The following FBXO31 variants were observed in gnomAD, a reference collection of about 807,000 sequenced individuals.
FBXO31 encodes F-box only protein 31.
A neutral mutation model predicts 54.4 loss-of-function variants in FBXO31; 24 were observed. That is an observed-to-expected ratio of 0.44 (90% CI 0.32 to 0.62). The LOEUF (loss-of-function observed/expected upper bound fraction) is 0.62, where lower values mean the gene tolerates loss of function less well. Among genes scored for constraint, FBXO31 ranks in the 20% least tolerant of loss-of-function variants. FBXO31 has a pLI of 0.05. For synonymous variants in FBXO31, 388 were observed against 335.6 expected (o/e 1.16, Z -1.71); for missense variants, 665 against 787.1 (o/e 0.84, Z 1.86).
intron 1 of FBXO31, among the ~76,000 whole-genome samples, chr16:87,380,296 C>CAAA (rs71156230): frequency 1.6e-4 from 16 of 97,706 alleles, no homozygotes; most frequent in African/African-American, 2.8e-4. Flanking sequence ...GACTCCGTCT[C>CAAA]AAAAAAAAAA....
chr16:87,354,482 C>A (rs903789593), intron 2 of FBXO31, among the ~76,000 whole-genome samples: 1 of 151,096 alleles, frequency 6.6e-6, no homozygotes, highest in Non-Finnish European at 1.5e-5. Flanking sequence ...AAAAAAAAAC[C>A]CAAAAATGCA....
At chr16:87,352,748 C>T (rs929891683) in intron 2 of FBXO31, among the ~76,000 whole-genome samples, 2 of 152,244 alleles carry the variant, frequency 1.3e-5, no homozygotes, top group African/African-American at 4.8e-5. Context: ...TAATTCCAGG[C>T]ACTGAAAGAA....
At chr16:87,375,517 T>C (rs543242934) in intron 1 of FBXO31, among the ~76,000 whole-genome samples, 46 of 152,042 alleles carry the variant, frequency 3.0e-4, no homozygotes, top group African/African-American at 1.1e-3. Context: ...AATAAATAAA[T>C]GAACAGTGCC....
intron 1 of FBXO31, among the ~76,000 whole-genome samples, chr16:87,363,124 C>A (rs990622767): frequency 6.6e-6 from 1 of 152,136 alleles, no homozygotes; most frequent in Non-Finnish European, 1.5e-5. Context: ...GTGGCTCATG[C>A]CTGTAATCCC....
At chr16:87,341,755 A>C (rs1285358151) in intron 5 of FBXO31, among the ~76,000 whole-genome samples, 1 of 152,228 alleles carries the variant, frequency 6.6e-6, no homozygotes, top group Non-Finnish European at 1.5e-5. Context: ...AGCATAATTA[A>C]AACATTTCCG....
chr16:87,344,354 G>C (rs1464529226), intron 3 of FBXO31, among the ~76,000 whole-genome samples: 1 of 152,248 alleles, frequency 6.6e-6, no homozygotes, highest in African/African-American at 2.4e-5. Flanking sequence ...AAGAGCCGAG[G>C]AGTGCGTTGC....
rs779505211 is a variant in FBXO31 at position 87,327,613 on chromosome 16, C to G, written c.*3675G>C. ...TGAGGCCTCAGGGAGCCATGATCGC[C>G]GCTCTGCACTCCAGCCCAGGTGACA... On this transcript the variant is annotated 3_prime_UTR_variant, in exon 9 of 9. Transcript: ENST00000311635. 3 of 152,166 alleles carry G rather than the reference C, an allele frequency of 2.0e-5. No individual in the cohort carries two copies. The highest frequency in any genetic ancestry group is 7.2e-5 in the African/African-American group (3 of 41,422). 9.4% of individuals were successfully genotyped at this position (152,166 alleles called of 1,614,324 possible).
chr16:87,335,434 A>C lies in FBXO31; in HGVS notation c.866T>G (p.Ile289Ser). ...GTCGGGGCGGCTGGGCGGCAGGTAG[A>C]TGCGGCGGTAGGTCAGGCAGTTGCT... is the stretch of plus-strand genomic sequence containing the variant. ...QYDNCLTYRR[I>S]YLPPSRPDDL... Residue 289 changes from isoleucine (I) to serine (S), a missense_variant, in exon 7 of 9, where the codon ATC becomes AGC. Ile to Ser is a moderately radical substitution (Grantham distance 142). Around this residue, in one of 4 missense-constraint regions of FBXO31, gnomAD observed 234 missense variants for 346.8 expected, o/e 0.67. Coordinates refer to ENST00000311635, the MANE Select transcript of FBXO31 (RefSeq NM_024735.5). This position sits in a 1 kb window ranked among gnomAD's most constrained non-coding sequence, Gnocchi z 5.7. The C allele has an allele frequency of 6.2e-7, 1 of 1,613,116 alleles. No homozygotes were observed. Among genetic ancestry groups the C allele is most frequent in the Non-Finnish European group, 8.5e-7 (1 of 1,179,814 alleles).
chr16:87,357,710 C>T (rs1057210396), intron 2 of FBXO31, among the ~76,000 whole-genome samples: 10 of 152,092 alleles, frequency 6.6e-5, no homozygotes, highest in African/African-American at 1.7e-4. Context: ...TCTGGGAGGC[C>T]GAGATGGGCA....
chr16:87,352,390 G>C (rs998772001), intron 2 of FBXO31, among the ~76,000 whole-genome samples: 11 of 152,110 alleles, frequency 7.2e-5, no homozygotes, highest in African/African-American at 2.2e-4. Flanking sequence ...ACATCTGGTA[G>C]TAGATTACCA....
At position 87,331,003 on chromosome 16, in the gene FBXO31, T is replaced by G. The variant is rs979013755; in HGVS notation, c.*285A>C. The G allele has an allele frequency of 7.0e-5, 25 of 357,164 alleles. No homozygotes were observed. Among genetic ancestry groups the G allele is most frequent in the Non-Finnish European group, 1.3e-4 (24 of 190,430 alleles). The allele number at this position is 357,164 out of a possible 1,614,324, so 22.1% of individuals were successfully genotyped here. A position where few individuals can be genotyped will look rare whatever the true frequency, so the allele number is the denominator to read the frequency against. On this transcript the variant is annotated 3_prime_UTR_variant, in exon 9 of 9. Transcript: ENST00000311635. ...GGGTGCGGGAACCCCACCGCTTCAA[T>G]TCTCACGCGGTCCCACGGCTGTCCC...
At chr16:87,331,543 G>A in intron 8 of FBXO31, 33 bp from the exon 9 acceptor site, 1 of 1,550,200 alleles carries the variant, frequency 6.5e-7, no homozygotes, top group Non-Finnish European at 8.8e-7. Context: ...CTGTGAGCTG[G>A]GGGAGGGCTG....
At chr16:87,352,438 A>C (rs1905703721) in intron 2 of FBXO31, among the ~76,000 whole-genome samples, 1 of 152,084 alleles carries the variant, frequency 6.6e-6, no homozygotes, top group African/African-American at 2.4e-5. Context: ...CTTATTAAAA[A>C]GAAAATAACA....
At chr16:87,382,624 C>A (rs901390255) in intron 1 of FBXO31, among the ~76,000 whole-genome samples, 1 of 152,140 alleles carries the variant, frequency 6.6e-6, no homozygotes, top group African/African-American at 2.4e-5. Flanking sequence ...CCCCTACTCC[C>A]GTAATTTTTT....
chr16:87,356,778 C>G (rs530272349), intron 2 of FBXO31, among the ~76,000 whole-genome samples: 33 of 152,250 alleles, frequency 2.2e-4, no homozygotes, highest in African/African-American at 7.9e-4. Context: ...AGGTCTGCTC[C>G]CAACAGACCA....
chr16:87,383,789 G>A (rs1178101453), upstream of FBXO31: 1 of 1,156,186 alleles, frequency 8.6e-7, no homozygotes, highest in African/African-American at 1.6e-5. This position sits in a 1 kb window ranked among gnomAD's most constrained non-coding sequence, Gnocchi z 4.9. Flanking sequence ...GCACGCTCCA[G>A]CGCGGCCCCG....
At chr16:87,390,988 T>C (rs1907520339), upstream of FBXO31, among the ~76,000 whole-genome samples, 1 of 152,208 alleles carries the variant, frequency 6.6e-6, no homozygotes, top group Non-Finnish European at 1.5e-5. Flanking sequence ...AAGAAAGGCT[T>C]TTACAAAGTC....
intron 1 of FBXO31, chr16:87,367,343 G>T (rs1202747500): frequency 6.6e-6 from 1 of 152,142 alleles, no homozygotes; most frequent in Non-Finnish European, 1.5e-5. Flanking sequence ...CACACTCACT[G>T]AAGTCAGGAA....
At chr16:87,341,252 C>A (rs1312403634) in intron 5 of FBXO31, among the ~76,000 whole-genome samples, 1 of 152,226 alleles carries the variant, frequency 6.6e-6, no homozygotes, top group Admixed American at 6.5e-5. Flanking sequence ...GAAACTTTTC[C>A]TAATCCCAAA....
Sources: allele counts gnomAD v4.1 joint callset (sites outside exome capture counted in the v4.1 genomes callset), GRCh38; gene constraint gnomAD v4.1.1; regional missense constraint gnomAD v4.1.1; non-coding constraint Gnocchi (gnomAD v3.1); transcripts MANE v1.5; gene names NCBI Gene and HGNC (gene_info 2026-07-23, HGNC 2026-07-21).